STX8: variants seen among roughly 807,000 people sequenced by gnomAD.
The protein encoded by STX8 is syntaxin-8.
STX8 carries 23 observed loss-of-function variants against 37.5 expected under a neutral mutation model. The ratio of observed to expected loss-of-function variants is 0.61; its 90% confidence interval spans 0.44 to 0.87. The LOEUF is 0.87. STX8 is among the 40% of genes least tolerant of loss of function. The pLI is 0.00. For missense variants in STX8, 313 were observed against 284.7 expected (o/e 1.10, Z -0.71); for synonymous variants, 115 against 99.1 (o/e 1.16, Z -0.95).
At chr17:9,319,437 A>G (rs1419974861) in intron 7 of STX8, among the ~76,000 whole-genome samples, 1 of 152,126 alleles carries the variant, frequency 6.6e-6, no homozygotes. Context: ...AAACAAAAAC[A>G]AAACAAAACA....
chr17:9,376,872 G>A (rs529696668), intron 7 of STX8, among the ~76,000 whole-genome samples: 29 of 152,294 alleles, frequency 1.9e-4, no homozygotes, highest in African/African-American at 6.7e-4. Context: ...AACCAATTCC[G>A]GACACAGTAT....
chr17:9,446,810 G>C (rs1450335289), intron 6 of STX8, among the ~76,000 whole-genome samples: 1 of 152,124 alleles, frequency 6.6e-6, no homozygotes, highest in Non-Finnish European at 1.5e-5. Flanking sequence ...TGAGACAGAA[G>C]ATCCGTGATG....
intron 6 of STX8, among the ~76,000 whole-genome samples, chr17:9,436,611 G>C (rs1342851483): frequency 6.6e-6 from 1 of 152,108 alleles, no homozygotes; most frequent in Non-Finnish European, 1.5e-5. Flanking sequence ...TAACAATTAC[G>C]ACCACGATCA....
intron 4 of STX8, 144 bp downstream of exon 4, chr17:9,545,028 T>C: frequency 1.7e-6 from 1 of 604,340 alleles, no homozygotes; most frequent in East Asian, 2.8e-5. Flanking sequence ...AAAACTAAAT[T>C]GAGTAGAAAA....
intron 7 of STX8, among the ~76,000 whole-genome samples, chr17:9,288,100 G>C (rs1597585094): frequency 2.8e-5 from 1 of 36,142 alleles, no homozygotes; most frequent in Non-Finnish European, 7.7e-5. Flanking sequence ...TTTGACAAGG[G>C]GGGGGGGGGG....
intron 7 of STX8, among the ~76,000 whole-genome samples, chr17:9,296,262 C>T (rs568965578): frequency 1.5e-3 from 233 of 152,038 alleles, no homozygotes; most frequent in Middle Eastern, 3.4e-3. Context: ...AGGAGAATGG[C>T]GCGAACCTGG....
At chr17:9,358,874 G>A (rs896806276) in intron 7 of STX8, among the ~76,000 whole-genome samples, 13 of 152,124 alleles carry the variant, frequency 8.5e-5, no homozygotes, top group African/African-American at 2.9e-4. Context: ...GAAACTCCGG[G>A]AGCACCCAAT....
chr17:9,417,067 TCCAG>T (rs1394555147), intron 6 of STX8, among the ~76,000 whole-genome samples: 2 of 152,096 alleles, frequency 1.3e-5, no homozygotes, highest in South Asian at 2.1e-4. Flanking sequence ...TGGGTTCCTC[TCCAG>T]CCAATCAGCA....
chr17:9,453,361 C>A (rs553414590), intron 6 of STX8, among the ~76,000 whole-genome samples: 1 of 152,128 alleles, frequency 6.6e-6, no homozygotes, highest in African/African-American at 2.4e-5. Flanking sequence ...TAATTAACAC[C>A]AATTTATAAT....
At chr17:9,327,383 AG>A (rs1203139250) in intron 7 of STX8, among the ~76,000 whole-genome samples, 1 of 148,402 alleles carries the variant, frequency 6.7e-6, no homozygotes, top group African/African-American at 2.5e-5. Context: ...GAGGAGAAGG[AG>A]GGGGAGAGGG....
intron 7 of STX8, among the ~76,000 whole-genome samples, chr17:9,361,170 T>C (rs1442815949): frequency 2.0e-5 from 3 of 152,158 alleles, no homozygotes; most frequent in African/African-American, 7.2e-5. Flanking sequence ...TAAGGTTCTG[T>C]TGGAGTCAAT....
intron 6 of STX8, among the ~76,000 whole-genome samples, chr17:9,408,426 T>C (rs1051023644): frequency 6.6e-6 from 1 of 152,138 alleles, no homozygotes; most frequent in South Asian, 2.1e-4. Flanking sequence ...TAGAATACCA[T>C]CTCATATATG....
At chr17:9,436,945 G>A (rs558038296) in intron 6 of STX8, among the ~76,000 whole-genome samples, 53 of 152,304 alleles carry the variant, frequency 3.5e-4, no homozygotes, top group Admixed American at 3.3e-4. Context: ...TTTTAGGACA[G>A]GCAAGCAATC....
chr17:9,253,160 T>A (rs538969389), intron 7 of STX8, among the ~76,000 whole-genome samples: 5 of 151,658 alleles, frequency 3.3e-5, no homozygotes, highest in Non-Finnish European at 7.4e-5. Context: ...AGTTACACTA[T>A]TTTACCTCAC....
At chr17:9,415,798 C>A (rs1245086097) in intron 6 of STX8, among the ~76,000 whole-genome samples, 1 of 152,172 alleles carries the variant, frequency 6.6e-6, no homozygotes, top group African/African-American at 2.4e-5. Context: ...AATGGCTTTT[C>A]TTCTGTATCA....
At chr17:9,364,798 A>T (rs905649285) in intron 7 of STX8, among the ~76,000 whole-genome samples, 1 of 151,994 alleles carries the variant, frequency 6.6e-6, no homozygotes, top group Non-Finnish European at 1.5e-5. Context: ...CCTCCCAAAG[A>T]GCTGAGATTA....
At chr17:9,557,728 T>C (rs1303538484) in intron 2 of STX8, among the ~76,000 whole-genome samples, 200 bp from the exon 3 acceptor site, 4 of 152,146 alleles carry the variant, frequency 2.6e-5, no homozygotes, top group African/African-American at 9.6e-5. Flanking sequence ...CTACAGCTTG[T>C]ACCCGCTCCA....
intron 6 of STX8, among the ~76,000 whole-genome samples, chr17:9,471,993 G>C (rs940861019): frequency 1.3e-5 from 2 of 151,508 alleles, no homozygotes; most frequent in African/African-American, 4.9e-5. Flanking sequence ...TCCTGAGGGA[G>C]ACATGTACCT....
intron 4 of STX8, among the ~76,000 whole-genome samples, chr17:9,508,548 C>T (rs960629104): frequency 2.6e-5 from 4 of 152,122 alleles, no homozygotes; most frequent in Non-Finnish European, 5.9e-5. Context: ...AGGTTGGTAT[C>T]GAACTCCTAA....
Sources: gnomAD v4.1 joint callset for allele counts (sites outside exome capture counted in the v4.1 genomes callset) on GRCh38, gnomAD v4.1.1 for gene constraint, MANE v1.5 for transcripts, NCBI Gene and HGNC (gene_info 2026-07-23, HGNC 2026-07-21) for gene names.